Variants in GRM5 observed in about 807,000 individuals in gnomAD.
GRM5 encodes metabotropic glutamate receptor 5.
GRM5 carries 19 observed loss-of-function variants against 83.1 expected under a neutral mutation model. The observed-to-expected ratio is 0.23, with a 90% confidence interval of 0.16 to 0.34. The LOEUF (loss-of-function observed/expected upper bound fraction) is 0.34. Ranked by LOEUF, GRM5 falls within the 10% of genes least tolerant of loss-of-function variation. GRM5 has a pLI of 1.00. For missense variants in GRM5, 1,160 were observed against 1,588.3 expected, an observed-to-expected ratio of 0.73 and a Z score of 4.58; for synonymous variants, 675 against 633.6, an observed-to-expected ratio of 1.07 and a Z score of -0.98.
At chr11:88,764,362 A>G (rs1248336317) in intron 3 of GRM5, among the ~76,000 whole-genome samples, 1 of 151,724 alleles carries the variant, frequency 6.6e-6, no homozygotes. Flanking sequence ...TGTAACAGAC[A>G]TATACAGAAG....
At chr11:88,870,762 G>A (rs528909630) in intron 2 of GRM5, among the ~76,000 whole-genome samples, 3 of 151,584 alleles carry the variant, frequency 2.0e-5, no homozygotes, top group African/African-American at 7.2e-5. Context: ...CTCATGAGAG[G>A]TCTGGGCAGT....
At chr11:88,958,992 C>T (rs567802078) in intron 2 of GRM5, among the ~76,000 whole-genome samples, 20 of 152,086 alleles carry the variant, frequency 1.3e-4, no homozygotes, top group African/African-American at 3.9e-4. Flanking sequence ...TTATAGCTAT[C>T]GCATTTAAAA....
intron 3 of GRM5, among the ~76,000 whole-genome samples, chr11:88,672,996 A>T (rs979144808): frequency 6.6e-6 from 1 of 151,986 alleles, no homozygotes; most frequent in Non-Finnish European, 1.5e-5. Flanking sequence ...CAGCACTGCA[A>T]ATATCATGAA....
chr11:88,765,553 G>C (rs1434022940), intron 3 of GRM5, among the ~76,000 whole-genome samples: 3 of 151,616 alleles, frequency 2.0e-5, no homozygotes, highest in Admixed American at 6.6e-5. Context: ...ACAGTCAAAT[G>C]GTTTTTGAGA....
At chr11:88,763,307 G>A (rs1054095307) in intron 3 of GRM5, among the ~76,000 whole-genome samples, 1 of 151,694 alleles carries the variant, frequency 6.6e-6, no homozygotes, top group Non-Finnish European at 1.5e-5. Flanking sequence ...AGGGACACTA[G>A]ATAATAACTC....
chr11:88,624,680 T>A (rs1014691315), intron 4 of GRM5, among the ~76,000 whole-genome samples: 1 of 152,202 alleles, frequency 6.6e-6, no homozygotes. Flanking sequence ...AGACCCTGTC[T>A]GTAAAGAATA....
chr11:88,603,915 A>G (rs1262207451), intron 5 of GRM5, among the ~76,000 whole-genome samples: 1 of 152,218 alleles, frequency 6.6e-6, no homozygotes. Flanking sequence ...CTAGAAGGGC[A>G]CTGAGAGACC....
rs577913209 is a variant in GRM5, at chr11:88,843,589, T to C, written c.911+6317A>G. Reference sequence around the variant, plus strand: ...ACAACAGTATTGAAATTAGGCTAATTAATAGCCCTACAATGGCTAAATGCT... The same window carrying C: ...ACAACAGTATTGAAATTAGGCTAATCAATAGCCCTACAATGGCTAAATGCT... On this transcript the variant is annotated intron_variant, in intron 3 of 9. Transcript: ENST00000305447. Among the ~76,000 whole-genome samples the C allele has an allele frequency of 3.3e-5, 5 of 152,142 alleles. No individual in the cohort carries two copies. The South Asian group carries it at 1.0e-3, about 32-fold the overall frequency.
intron 3 of GRM5, among the ~76,000 whole-genome samples, chr11:88,700,813 A>G (rs1163761986): frequency 6.6e-6 from 1 of 152,160 alleles, no homozygotes; most frequent in African/African-American, 2.4e-5. Flanking sequence ...CAGCAATGGG[A>G]CAGGCTCTTC....
At chr11:89,051,699 T>C (rs984292761) in intron 1 of GRM5, among the ~76,000 whole-genome samples, 8 of 152,090 alleles carry the variant, frequency 5.3e-5, no homozygotes, top group African/African-American at 1.7e-4. Flanking sequence ...GAAAGAGTGA[T>C]ACTCCGTCTC....
intron 3 of GRM5, among the ~76,000 whole-genome samples, chr11:88,764,747 A>C (rs773827390): frequency 6.6e-6 from 1 of 151,618 alleles, no homozygotes; most frequent in Non-Finnish European, 1.5e-5. Flanking sequence ...ACTTATATTA[A>C]AAAATTAGAA....
intron 2 of GRM5, among the ~76,000 whole-genome samples, chr11:88,986,164 CA>C (rs1565321578): frequency 6.6e-6 from 1 of 152,014 alleles, no homozygotes; most frequent in South Asian, 2.1e-4. Context: ...TATTAGGTAA[CA>C]AAAAAGAACA....
intron 3 of GRM5, among the ~76,000 whole-genome samples, chr11:88,845,086 C>T (rs751708821): frequency 6.6e-6 from 1 of 152,136 alleles, no homozygotes; most frequent in Non-Finnish European, 1.5e-5. Flanking sequence ...AGTTCTAACG[C>T]GGGTAAAATG....
intron 3 of GRM5, among the ~76,000 whole-genome samples, chr11:88,775,179 G>A (rs139017770): frequency 0.031 from 4,735 of 152,174 alleles, 217 homozygotes; most frequent in African/African-American, 0.095. Context: ...GAGCGTGTAT[G>A]CGTCCAGGAA....
intron 3 of GRM5, among the ~76,000 whole-genome samples, chr11:88,739,331 T>G (rs1941981826): frequency 6.6e-6 from 1 of 152,112 alleles, no homozygotes; most frequent in African/African-American, 2.4e-5. Flanking sequence ...TCTAAACTAT[T>G]AACTAATCCA....
chr11:88,596,305 A>G (rs906185710), intron 6 of GRM5, among the ~76,000 whole-genome samples: 4 of 152,108 alleles, frequency 2.6e-5, no homozygotes, highest in Admixed American at 6.6e-5. Context: ...CTATCACAGC[A>G]TCCTTCTAAC....
chr11:88,832,814 G>A (rs910583535), intron 3 of GRM5, among the ~76,000 whole-genome samples: 17 of 152,082 alleles, frequency 1.1e-4, no homozygotes, highest in Non-Finnish European at 1.8e-4. Context: ...AAATCCATGC[G>A]TTTTTTATCC....
chr11:88,711,287 T>A (rs150475335), intron 3 of GRM5, among the ~76,000 whole-genome samples: 1 of 152,076 alleles, frequency 6.6e-6, no homozygotes, highest in South Asian at 2.1e-4. Flanking sequence ...CTGTCTATCC[T>A]CTTGCTGGTA....
At chr11:88,921,840 AT>A (rs1360562053) in intron 2 of GRM5, among the ~76,000 whole-genome samples, 2 of 152,116 alleles carry the variant, frequency 1.3e-5, no homozygotes, top group Non-Finnish European at 2.9e-5. Flanking sequence ...GATAACTTAT[AT>A]TTAGAAACTC....
Sources: gnomAD v4.1 joint callset for allele counts (sites outside exome capture counted in the v4.1 genomes callset) on GRCh38, gnomAD v4.1.1 for gene constraint, MANE v1.5 for transcripts, NCBI Gene and HGNC (gene_info 2026-07-23, HGNC 2026-07-21) for gene names.